The following GUCY1A2 variants were observed in gnomAD, a reference collection of about 807,000 sequenced individuals.
GUCY1A2 encodes the protein guanylate cyclase soluble subunit alpha-2.
GUCY1A2 carries 27 observed loss-of-function variants against 63.5 expected under a neutral mutation model. The observed-to-expected ratio is 0.43, with a 90% CI of 0.31 to 0.59. The LOEUF is 0.59. GUCY1A2 is among the 20% of genes least tolerant of loss of function. GUCY1A2 has a pLI of 0.11. For synonymous variants in GUCY1A2, 364 were observed against 343.5 expected, an observed-to-expected ratio of 1.06 and a Z score of -0.66; for missense variants, 768 against 913.3, an observed-to-expected ratio of 0.84 and a Z score of 2.05.
intron 4 of GUCY1A2, among the ~76,000 whole-genome samples, chr11:106,888,392 G>T (rs1208965075): frequency 3.3e-5 from 5 of 151,952 alleles, no homozygotes; most frequent in Non-Finnish European, 1.5e-5. Context: ...GTGAACCCAG[G>T]AGGCGGAGCT....
intron 6 of GUCY1A2, among the ~76,000 whole-genome samples, chr11:106,760,981 G>T (rs1351249212): frequency 6.6e-6 from 1 of 152,096 alleles, no homozygotes; most frequent in African/African-American, 2.4e-5. Context: ...AAGATAATTG[G>T]ACCTTCTGCC....
intron 2 of GUCY1A2, among the ~76,000 whole-genome samples, chr11:106,980,144 C>A (rs560842740): frequency 1.3e-5 from 2 of 152,130 alleles, no homozygotes; most frequent in African/African-American, 4.8e-5. Flanking sequence ...AGAAATAGAG[C>A]AAAATTGGGA....
intron 4 of GUCY1A2, among the ~76,000 whole-genome samples, chr11:106,861,300 T>C (rs1237791227): frequency 7.8e-6 from 1 of 128,798 alleles, no homozygotes. Context: ...TTCTTTGCTG[T>C]ATAAATTGTG....
intron 6 of GUCY1A2, among the ~76,000 whole-genome samples, chr11:106,758,166 C>A (rs1393941611): frequency 1.3e-5 from 2 of 152,198 alleles, no homozygotes; most frequent in Non-Finnish European, 2.9e-5. Flanking sequence ...CTACTCAAGC[C>A]TCAGCAGTGA....
At chr11:106,913,926 A>G (rs1591325425) in intron 4 of GUCY1A2, among the ~76,000 whole-genome samples, 1 of 151,432 alleles carries the variant, frequency 6.6e-6, no homozygotes, top group Non-Finnish European at 1.5e-5. Flanking sequence ...TAACCTGGCT[A>G]AAGACTGAAA....
Position 107,009,208 on chromosome 11 carries a change from G to A in GUCY1A2, c.303+8545C>T, listed in dbSNP as rs1861711214. Among the ~76,000 whole-genome samples the A allele has an allele frequency of 2.6e-5, 4 of 152,062 alleles. 1 individual carries two copies. The highest frequency in any genetic ancestry group is 2.6e-4 in the Admixed American group (4 of 15,266). ...AGCATTAATGTTAGTGTCATATTTT[G>A]GTAAGGTTTGAGAGGTGGCCCTATA... On this transcript the variant is annotated intron_variant, in intron 1 of 7. Transcript: ENST00000526355.
chr11:106,728,272 C>T (rs1017482520), intron 6 of GUCY1A2, among the ~76,000 whole-genome samples: 5 of 152,162 alleles, frequency 3.3e-5, no homozygotes, highest in Non-Finnish European at 7.3e-5. Context: ...TCTCAGCAAA[C>T]GATCTCCTGA....
At chr11:106,689,708 G>A (rs1862588240) in intron 7 of GUCY1A2, among the ~76,000 whole-genome samples, 1 of 152,012 alleles carries the variant, frequency 6.6e-6, no homozygotes, top group Non-Finnish European at 1.5e-5. Context: ...AAAAAGCCAA[G>A]GGCCGGGCAC....
chr11:106,708,352 T>C (rs533870742), intron 7 of GUCY1A2, among the ~76,000 whole-genome samples, 160 bp downstream of exon 7: 70 of 152,186 alleles, frequency 4.6e-4, no homozygotes, highest in African/African-American at 1.7e-3. Flanking sequence ...AAATAAAAGT[T>C]TGTGTCACAA....
At chr11:106,949,519 A>G (rs1284418813) in intron 3 of GUCY1A2, among the ~76,000 whole-genome samples, 1 of 152,104 alleles carries the variant, frequency 6.6e-6, no homozygotes, top group Admixed American at 6.5e-5. Flanking sequence ...CTTATTTTGC[A>G]TATCTTCACA....
chr11:106,733,361 T>A (rs1469114851), intron 6 of GUCY1A2, among the ~76,000 whole-genome samples: 1 of 152,144 alleles, frequency 6.6e-6, no homozygotes, highest in African/African-American at 2.4e-5. Context: ...GCTAACAATG[T>A]TTAATGAATA....
chr11:106,881,666 C>T (rs1046523355), intron 4 of GUCY1A2, among the ~76,000 whole-genome samples: 5 of 151,954 alleles, frequency 3.3e-5, no homozygotes, highest in Non-Finnish European at 7.4e-5. Context: ...TCCTCTTCTC[C>T]CCAGAGGTAA....
At chr11:106,935,863 A>AAT (rs1860669569) in intron 4 of GUCY1A2, among the ~76,000 whole-genome samples, 1 of 149,654 alleles carries the variant, frequency 6.7e-6, no homozygotes, top group African/African-American at 2.5e-5. Context: ...AAAAAAAATT[A>AAT]AAAAAAAAAT....
intron 5 of GUCY1A2, among the ~76,000 whole-genome samples, chr11:106,782,398 TTC>T (rs1383278953): frequency 6.6e-6 from 1 of 152,208 alleles, no homozygotes; most frequent in Non-Finnish European, 1.5e-5. Context: ...ATGCTTTCTT[TTC>T]TCTCTTAGTA....
At chr11:107,001,756 C>T (rs955799355) in intron 1 of GUCY1A2, among the ~76,000 whole-genome samples, 9 of 152,062 alleles carry the variant, frequency 5.9e-5, no homozygotes, top group African/African-American at 1.7e-4. Flanking sequence ...CAGTGACTCT[C>T]GCCTGTAATC....
At chr11:106,837,624 G>A (rs976129063) in intron 4 of GUCY1A2, among the ~76,000 whole-genome samples, 3 of 151,812 alleles carry the variant, frequency 2.0e-5, no homozygotes, top group Non-Finnish European at 4.4e-5. Context: ...AGGCCACAAG[G>A]TTCATCTGCA....
At chr11:106,798,586 C>T (rs1238188802) in intron 5 of GUCY1A2, among the ~76,000 whole-genome samples, 1 of 152,148 alleles carries the variant, frequency 6.6e-6, no homozygotes, top group Non-Finnish European at 1.5e-5. Flanking sequence ...GGGCTTCATC[C>T]CTGGGATGCA....
At chr11:106,844,624 A>C (rs1223635845) in intron 4 of GUCY1A2, among the ~76,000 whole-genome samples, 1 of 151,812 alleles carries the variant, frequency 6.6e-6, no homozygotes, top group Non-Finnish European at 1.5e-5. Context: ...TATAGGCTTG[A>C]AATACACATT....
At chr11:106,856,027 G>A (rs1045281291) in intron 4 of GUCY1A2, among the ~76,000 whole-genome samples, 1 of 151,620 alleles carries the variant, frequency 6.6e-6, no homozygotes, top group African/African-American at 2.4e-5. Context: ...CTGGGCTCAG[G>A]TGATCCTCCC....
Sources: gnomAD v4.1 joint callset for allele counts (sites outside exome capture counted in the v4.1 genomes callset) on GRCh38, gnomAD v4.1.1 for gene constraint, MANE v1.5 for transcripts, NCBI Gene and HGNC (gene_info 2026-07-23, HGNC 2026-07-21) for gene names.